The following RUFY3 variants were observed in gnomAD, a reference collection of about 807,000 sequenced individuals.
The protein encoded by RUFY3 is protein RUFY3.
A neutral mutation model predicts 84.0 loss-of-function variants in RUFY3; 34 were observed. The observed-to-expected ratio is 0.40, with a 90% CI of 0.31 to 0.54. RUFY3 has a LOEUF of 0.54. RUFY3 is among the 20% of genes least tolerant of loss of function. RUFY3 has a pLI of 0.39. For synonymous variants in RUFY3, 242 were observed against 252.9 expected (o/e 0.96, Z 0.41); for missense variants, 507 against 736.8 (o/e 0.69, Z 3.61).
chr4:70,794,601 A>G (rs1203113606), intron 13 of RUFY3, 194 bp from the exon 14 acceptor site: 2 of 564,312 alleles, frequency 3.5e-6, no homozygotes, highest in Non-Finnish European at 6.2e-6. Context: ...GAGATTAGAC[A>G]GGTTAAATGT....
chr4:70,722,641 T>C lies in RUFY3; in HGVS notation c.68T>C (p.Met23Thr). The C allele has an allele frequency of 6.2e-7, 1 of 1,614,062 alleles. No individual in the cohort carries two copies. The highest frequency in any genetic ancestry group is 8.5e-7 in the Non-Finnish European group (1 of 1,180,018). ...ACTGACAAGATCACACAGGCTGCCA[T>C]GGAGACCATCTACCTTTGCAAATTC... ...PTTDKITQAA[M>T]ETIYLCKFRV... Residue 23 changes from methionine to threonine, a missense_variant, in exon 1 of 18, where the codon ATG (methionine) becomes ACG (threonine). Physicochemically the swap from Met to Thr is moderately conservative, Grantham distance 81. This residue lies in a region of RUFY3 where 133 missense variants were observed against 301.1 expected (regional missense o/e 0.44). Transcript: ENST00000381006.
intron 1 of RUFY3, among the ~76,000 whole-genome samples, chr4:70,727,313 A>T (rs2148600056): frequency 6.6e-6 from 1 of 151,164 alleles, no homozygotes; most frequent in East Asian, 2.0e-4. Context: ...TAACATTCTC[A>T]AAACAAGTTA....
chr4:70,717,421 T>C (rs748769114), upstream of RUFY3, among the ~76,000 whole-genome samples: 1 of 152,118 alleles, frequency 6.6e-6, no homozygotes, highest in Non-Finnish European at 1.5e-5. Context: ...ATGTGCCCAC[T>C]TACTAAAAGC....
intron 1 of RUFY3, among the ~76,000 whole-genome samples, chr4:70,714,046 G>A (rs186191129): frequency 1.2e-3 from 186 of 152,248 alleles, no homozygotes; most frequent in Admixed American, 2.7e-3. Flanking sequence ...ATTTAACTCC[G>A]AAATGGTTAA....
chr4:70,721,839 G>A (rs930826810), upstream of RUFY3: 7 of 985,332 alleles, frequency 7.1e-6, no homozygotes, highest in Admixed American at 3.1e-4. Context: ...CTGGAAGTGG[G>A]TTGTACAGGA....
In RUFY3 at chr4:70,788,892, G is replaced by C; in HGVS notation, c.1158G>C (p.Glu386Asp). ...AGATGCTGGAGAAGGATGTCTGTGA[G>C]AAGCAGGATGCCCTGGTATCTCTTC... ...AMKMLEKDVC[E>D]KQDALVSLRQ... is the part of the protein sequence containing the mutation. Residue 386 changes from glutamate to aspartate, a missense_variant, in exon 11 of 18, where the codon GAG becomes GAC. This residue lies in a region of RUFY3 where 334 missense variants were observed against 364.1 expected (regional missense o/e 0.92). Coordinates refer to ENST00000381006, the MANE Select transcript of RUFY3 (RefSeq NM_001037442.4). The C allele has an allele frequency of 1.9e-6, 3 of 1,614,198 alleles. No individual in the cohort carries two copies. The highest frequency in any genetic ancestry group is 2.5e-6 in the Non-Finnish European group (3 of 1,180,040).
In RUFY3 at chr4:70,775,959, G is replaced by GA. The variant is rs962485507; in HGVS notation, c.824+734dup. Among the ~76,000 whole-genome samples, 12 of 110,670 alleles carry GA rather than the reference G, an allele frequency of 1.1e-4. No homozygotes were observed. In the South Asian group the frequency reaches 3.2e-3, roughly 30 times the overall value. 72.6% of individuals were successfully genotyped at this position (110,670 alleles called of 152,430 possible). Reference sequence around the variant, plus strand: ...CTGTCTTAAACAAAAAAAAAAAAACGAAAAAAAAGATACATGCTTTGTTTT... The same window carrying GA: ...CTGTCTTAAACAAAAAAAAAAAAACGAAAAAAAAAGATACATGCTTTGTTTT... On this transcript the variant is annotated intron_variant, in intron 7 of 17. Transcript: ENST00000381006.
chr4:70,704,708 A>T (rs1740046494), upstream of RUFY3: 1 of 302,512 alleles, frequency 3.3e-6, no homozygotes, highest in South Asian at 1.5e-4. Context: ...GCCGGTAGCG[A>T]GGCCGCGCCG....
At chr4:70,793,624 C>T in intron 12 of RUFY3, 161 bp from the exon 13 acceptor site, 1 of 1,476,772 alleles carries the variant, frequency 6.8e-7, no homozygotes, top group East Asian at 2.5e-5. Flanking sequence ...TCCATCTTTT[C>T]CCCCCCATAA....
chr4:70,757,998 G>A (rs1007448911), intron 1 of RUFY3, among the ~76,000 whole-genome samples: 5 of 152,090 alleles, frequency 3.3e-5, no homozygotes, highest in Non-Finnish European at 5.9e-5. Flanking sequence ...TTTTAAAATG[G>A]CTTTCTGGCT....
chr4:70,804,449 T>C (rs773527662), intron 17 of RUFY3, 33 bp downstream of exon 17: 34 of 1,584,108 alleles, frequency 2.1e-5, no homozygotes, highest in Middle Eastern at 1.7e-4. Context: ...AGGCTTTTCA[T>C]AGGGATGTCT....
At chr4:70,718,412 G>T (rs1043564434), upstream of RUFY3, among the ~76,000 whole-genome samples, 7 of 152,116 alleles carry the variant, frequency 4.6e-5, no homozygotes, top group Non-Finnish European at 7.3e-5. Flanking sequence ...AATACAGACT[G>T]TTTAAGCAGC....
At position 70,808,061 on chromosome 4, in the gene RUFY3, G is replaced by GTACTT. The variant is rs1290010231; in HGVS notation, c.*1405_*1409dup. Among the ~76,000 whole-genome samples, 4 of 152,078 alleles carry GTACTT rather than the reference G, an allele frequency of 2.6e-5. No homozygotes were observed. Among genetic ancestry groups the GTACTT allele is most frequent in the Admixed American group, 1.3e-4 (2 of 15,260 alleles). ...ATATAACCTACATACATCCTCCTGT[G>GTACTT]TACTTTAAATCATCTGAAGATGATT... On this transcript the variant is annotated 3_prime_UTR_variant, in exon 18 of 18. Coordinates refer to ENST00000381006, the MANE Select transcript of RUFY3 (RefSeq NM_001037442.4).
Position 70,705,224 on chromosome 4 carries a change from C to T in RUFY3, c.288C>T (p.Gly96=), listed in dbSNP as rs558927175. The change falls in exon 1 of 12, where the codon GGC becomes GGT. Residue 96 remains glycine (G), a synonymous_variant. Coordinates refer to the RUFY3 transcript ENST00000417478. ...CCTGGAGGACCCCGCCGTCCCCCGG[C>T]TCACCGCTGCCCTTCCTGCTGCTGA... 2,693 of 1,461,776 alleles carry T rather than the reference C, an allele frequency of 1.8e-3. 5 individuals are homozygous for T. The highest frequency in any genetic ancestry group is 2.1e-3 in the Non-Finnish European group (2,346 of 1,113,054). 90.6% of individuals were successfully genotyped at this position (1,461,776 alleles called of 1,614,324 possible). A position where few individuals can be genotyped will look rare whatever the true frequency, so the allele number is the denominator to read the frequency against.
At position 70,784,823 on chromosome 4, in the gene RUFY3, G is replaced by C. The variant is rs1430894663; in HGVS notation, c.1015G>C (p.Gly339Arg). Residue 339 changes from glycine (G) to arginine (R), a missense_variant, in exon 10 of 18, where the codon GGG (glycine) becomes CGG (arginine). Gly to Arg is a moderately radical substitution (Grantham distance 125, BLOSUM62 -2). This residue lies in a region of RUFY3 where 334 missense variants were observed against 364.1 expected (regional missense o/e 0.92). Coordinates refer to ENST00000381006, the MANE Select transcript of RUFY3 (RefSeq NM_001037442.4). ...TCCCAAGCAAGACAGAACTGCAGAA[G>C]GGCAAGCACTAAGTGAAGCAAGAAA... Reference protein sequence around the residue: ...KGPKQDRTAEGQALSEARKHL... With the variant: ...KGPKQDRTAERQALSEARKHL... The C allele has an allele frequency of 6.2e-7, 1 of 1,605,922 alleles. No individual in the cohort carries two copies. The highest frequency in any genetic ancestry group is 1.7e-5 in the Admixed American group (1 of 58,694).
At chr4:70,723,281 A>T (rs1717679084) in intron 1 of RUFY3, among the ~76,000 whole-genome samples, 1 of 152,158 alleles carries the variant, frequency 6.6e-6, no homozygotes, top group South Asian at 2.1e-4. Flanking sequence ...AACAATATGG[A>T]TTATTAGGTT....
chr4:70,785,405 A>G (rs965695354), intron 10 of RUFY3, among the ~76,000 whole-genome samples: 7 of 152,192 alleles, frequency 4.6e-5, no homozygotes, highest in African/African-American at 1.4e-4. Context: ...TCTCACTCTA[A>G]TCAGAATGGC....
chr4:70,728,866 G>A (rs1455781779), intron 1 of RUFY3, among the ~76,000 whole-genome samples: 3 of 151,674 alleles, frequency 2.0e-5, no homozygotes, highest in Admixed American at 2.0e-4. Context: ...ATTTGTTGTG[G>A]AGATTTGGAT....
intron 8 of RUFY3, among the ~76,000 whole-genome samples, 182 bp downstream of exon 8, chr4:70,778,620 C>G (rs1343086129): frequency 1.7e-5 from 2 of 119,158 alleles, no homozygotes; most frequent in African/African-American, 3.4e-5. Flanking sequence ...GCTTTTGTTG[C>G]CCAGGCTGGA....
Sources: gnomAD v4.1 joint callset for allele counts (sites outside exome capture counted in the v4.1 genomes callset) on GRCh38, gnomAD v4.1.1 for gene constraint, gnomAD v4.1.1 regional missense constraint, MANE v1.5 for transcripts, NCBI Gene and HGNC (gene_info 2026-07-23, HGNC 2026-07-21) for gene names.